LHFPL3: variants seen among roughly 807,000 people sequenced by gnomAD.
LHFPL3 encodes LHFPL tetraspan subfamily member 3.
LHFPL3 carries 5 observed loss-of-function variants against 19.3 expected under a neutral mutation model. The ratio of observed to expected loss-of-function variants is 0.26; its 90% CI spans 0.14 to 0.54. The LOEUF (loss-of-function observed/expected upper bound fraction) is 0.54, where lower values mean the gene tolerates loss of function less well. Among genes scored for constraint, LHFPL3 ranks in the 20% least tolerant of loss-of-function variants. The probability of loss-of-function intolerance (pLI) is 0.94; values close to 1 mark genes in which losing one functional copy is unlikely to be tolerated. For missense variants in LHFPL3, 249 were observed against 307.4 expected, an observed-to-expected ratio of 0.81 and a Z score of 1.42; for synonymous variants, 133 against 126.2, an observed-to-expected ratio of 1.05 and a Z score of -0.36.
chr7:104,889,582 G>A (rs988338815), intron 2 of LHFPL3, among the ~76,000 whole-genome samples: 3 of 152,206 alleles, frequency 2.0e-5, no homozygotes, highest in Admixed American at 2.0e-4. Context: ...AGAGGTTGCA[G>A]TGAGCCAAGA....
chr7:104,744,176 C>A (rs534899607), intron 2 of LHFPL3: 1 of 152,202 alleles, frequency 6.6e-6, no homozygotes, highest in East Asian at 1.9e-4. Context: ...CTTGATCAGT[C>A]CACTCTGTAC....
intron 1 of LHFPL3, among the ~76,000 whole-genome samples, chr7:104,608,100 G>T (rs1472337952): frequency 6.6e-6 from 1 of 152,102 alleles, no homozygotes; most frequent in Non-Finnish European, 1.5e-5. Flanking sequence ...ATTCCTCAGG[G>T]ATCTAGAACT....
intron 1 of LHFPL3, among the ~76,000 whole-genome samples, chr7:104,506,958 C>A (rs1448393740): frequency 3.3e-5 from 5 of 152,112 alleles, no homozygotes; most frequent in Non-Finnish European, 5.9e-5. Flanking sequence ...ACAAAGTATT[C>A]TATTGGAGAC....
At chr7:104,333,787 T>A (rs1423886708) in intron 1 of LHFPL3, among the ~76,000 whole-genome samples, 1 of 152,210 alleles carries the variant, frequency 6.6e-6, no homozygotes, top group African/African-American at 2.4e-5. Flanking sequence ...ACAGCACATT[T>A]CCATGTTTAT....
intron 1 of LHFPL3, among the ~76,000 whole-genome samples, chr7:104,570,201 A>G (rs549982906): frequency 3.5e-4 from 54 of 152,298 alleles, no homozygotes; most frequent in African/African-American, 1.2e-3. Flanking sequence ...TGATTGATTG[A>G]TTGAAGCCTT....
intron 1 of LHFPL3, among the ~76,000 whole-genome samples, chr7:104,655,482 T>G (rs1792105718): frequency 6.6e-6 from 1 of 152,208 alleles, no homozygotes; most frequent in African/African-American, 2.4e-5. Context: ...TAACAGTCCT[T>G]GAGTGCAGAA....
At chr7:104,881,422 T>C (rs1182362463) in intron 2 of LHFPL3, among the ~76,000 whole-genome samples, 9 of 152,336 alleles carry the variant, frequency 5.9e-5, no homozygotes, top group Middle Eastern at 3.4e-3. Flanking sequence ...CTTTGAGTCT[T>C]GACTTGATTT....
chr7:104,698,588 G>T (rs960922115), intron 1 of LHFPL3, among the ~76,000 whole-genome samples: 2 of 152,180 alleles, frequency 1.3e-5, no homozygotes, highest in East Asian at 1.9e-4. Flanking sequence ...AGTTGAAAAT[G>T]TATGTCCACA....
At position 104,776,205 on chromosome 7, in the gene LHFPL3, G is replaced by A. The variant is rs187227880; in HGVS notation, c.682+39294G>A. On this transcript the variant is annotated intron_variant, in intron 2 of 2. Transcript: ENST00000424859. ...GTGAGCCCAAAGTCATCCAGGCTCC[G>A]ACTGAAATTATATGCCCACACTGAT... Among the ~76,000 whole-genome samples, 12 of 152,304 alleles carry A rather than the reference G, an allele frequency of 7.9e-5. 1 individual carries two copies. The highest frequency in any genetic ancestry group is 5.2e-4 in the Admixed American group (8 of 15,304).
In LHFPL3 at chr7:104,878,777, T is replaced by C. The variant is rs1011862703; in HGVS notation, c.683-27410T>C. ...GACCCTTGCACCAAACAGCCGAGTT[T>C]TGAATGCAAAGAAAAACTTCTTGAA... On this transcript the variant is annotated intron_variant, in intron 2 of 2. Transcript: ENST00000424859. Among the ~76,000 whole-genome samples, 9 of 152,264 alleles carry C rather than the reference T, an allele frequency of 5.9e-5. 1 individual carries two copies. Among genetic ancestry groups the C allele is most frequent in the African/African-American group, 2.2e-4 (9 of 41,554 alleles).
intron 1 of LHFPL3, among the ~76,000 whole-genome samples, chr7:104,430,568 A>G (rs1477601405): frequency 7.2e-6 from 1 of 138,794 alleles, no homozygotes; most frequent in South Asian, 2.4e-4. Context: ...TGCCAGGTTC[A>G]TGCCATTCTC....
intron 1 of LHFPL3, among the ~76,000 whole-genome samples, chr7:104,526,140 C>A (rs940852194): frequency 1.3e-5 from 2 of 152,148 alleles, no homozygotes; most frequent in African/African-American, 4.8e-5. Context: ...GAGTTTCTCA[C>A]CCCTTATGGT....
chr7:104,791,708 G>A (rs1584536117), intron 2 of LHFPL3, among the ~76,000 whole-genome samples: 1 of 152,298 alleles, frequency 6.6e-6, no homozygotes, highest in African/African-American at 2.4e-5. Flanking sequence ...ACAGATCAAA[G>A]AACAGGAGAG....
chr7:104,772,629 T>A (rs1483833985), intron 2 of LHFPL3, among the ~76,000 whole-genome samples: 2 of 152,228 alleles, frequency 1.3e-5, no homozygotes, highest in Non-Finnish European at 2.9e-5. Flanking sequence ...AATGGAAACA[T>A]CACACAGAGA....
chr7:104,514,706 G>A (rs957452291), intron 1 of LHFPL3, among the ~76,000 whole-genome samples: 2 of 152,128 alleles, frequency 1.3e-5, no homozygotes, highest in African/African-American at 4.8e-5. Flanking sequence ...AGAGCTGCTT[G>A]GGAAACTGTA....
intron 2 of LHFPL3, among the ~76,000 whole-genome samples, chr7:104,737,699 C>T (rs1194686297): frequency 6.6e-6 from 1 of 151,996 alleles, no homozygotes; most frequent in Admixed American, 6.6e-5. Context: ...TTTTAGTAGA[C>T]TTAGATTCAT....
chr7:104,736,557 T>G, intron 1 of LHFPL3, 118 bp from the exon 2 acceptor site: 1 of 714,418 alleles, frequency 1.4e-6, no homozygotes, highest in Non-Finnish European at 2.3e-6. Flanking sequence ...GATTTGCTGT[T>G]TTTTAAATCA....
chr7:104,745,037 C>T (rs972061734), intron 2 of LHFPL3, among the ~76,000 whole-genome samples: 23 of 152,194 alleles, frequency 1.5e-4, no homozygotes, highest in South Asian at 6.2e-4. Context: ...TTACCCGATA[C>T]CCTTTTTTGA....
At chr7:104,477,544 A>G (rs1446919937) in intron 1 of LHFPL3, among the ~76,000 whole-genome samples, 2 of 152,186 alleles carry the variant, frequency 1.3e-5, no homozygotes, top group African/African-American at 4.8e-5. Context: ...TAGGAGCTAA[A>G]TCATGAGAAC....
Sources: allele counts gnomAD v4.1 joint callset (sites outside exome capture counted in the v4.1 genomes callset), GRCh38; gene constraint gnomAD v4.1.1; transcripts MANE v1.5; gene names NCBI Gene and HGNC (gene_info 2026-07-23, HGNC 2026-07-21).